CC2D2A: variants seen among roughly 807,000 people sequenced by gnomAD.
The protein encoded by CC2D2A is coiled-coil and C2 domain-containing protein 2A.
CC2D2A carries 155 observed loss-of-function variants against 212.9 expected under a neutral mutation model. That is an observed-to-expected ratio of 0.73 (90% CI 0.64 to 0.83). CC2D2A has a LOEUF of 0.83. Among genes scored for constraint, CC2D2A ranks in the 40% least tolerant of loss-of-function variants. The probability of loss-of-function intolerance (pLI) is 0.00; values close to 1 mark genes in which losing one functional copy is unlikely to be tolerated. For missense variants in CC2D2A, 1,856 were observed against 1,956.2 expected (o/e 0.95, Z 0.97); for synonymous variants, 667 against 686.5 (o/e 0.97, Z 0.44).
Position 15,586,253 on chromosome 4 carries a change from A to C in CC2D2A, c.4065+7A>C. 1 of 1,533,746 alleles carries C rather than the reference A, an allele frequency of 6.5e-7. No homozygotes were observed. Among genetic ancestry groups the C allele is most frequent in the Non-Finnish European group, 8.8e-7 (1 of 1,133,816 alleles). ...CCTCTGGAGCACATCTGATGTAAGTAGTTCTTCTTCACAGATTTAGAAACT... is the reference window on the plus strand; with the variant it reads ...CCTCTGGAGCACATCTGATGTAAGTCGTTCTTCTTCACAGATTTAGAAACT... On this transcript the variant is annotated splice_region_variant and intron_variant, in intron 31 of 36. Coordinates refer to ENST00000424120, the MANE Select transcript of CC2D2A (RefSeq NM_001378615.1).
chr4:15,511,066 C>T (rs1465107925), intron 7 of CC2D2A, among the ~76,000 whole-genome samples, 181 bp from the exon 8 acceptor site: 1 of 152,216 alleles, frequency 6.6e-6, no homozygotes, highest in African/African-American at 2.4e-5. Context: ...AGGCCTCCAA[C>T]TGCCTGTGGC....
chr4:15,546,387 TA>T (rs1239633836), intron 17 of CC2D2A, among the ~76,000 whole-genome samples: 3 of 152,236 alleles, frequency 2.0e-5, no homozygotes, highest in African/African-American at 7.2e-5. Context: ...GGGTGCCTTT[TA>T]AATTTTTTAA....
At position 15,591,313 on chromosome 4, in the gene CC2D2A, G is replaced by A. The variant is rs200660723; in HGVS notation, c.4314+1634G>A. Among the ~76,000 whole-genome samples the A allele has an allele frequency of 4.8e-4, 73 of 150,874 alleles. No individual in the cohort carries two copies. In the East Asian group the frequency reaches 8.4e-3, roughly 17 times the overall value. On this transcript the variant is annotated intron_variant, in intron 33 of 36. Transcript: ENST00000424120. ...CGGCTCAACGCAACCTCCGTCTCTC[G>A]GGTTCAAGCAATTCTCCTGCCTCAG...
At chr4:15,557,808 T>C (rs184606815) in intron 21 of CC2D2A, among the ~76,000 whole-genome samples, 1 of 152,230 alleles carries the variant, frequency 6.6e-6, no homozygotes, top group African/African-American at 2.4e-5. Context: ...TGGCTAATAA[T>C]ATGGCTAGTT....
chr4:15,577,431 A>T (rs1720462459), intron 29 of CC2D2A, among the ~76,000 whole-genome samples: 1 of 151,372 alleles, frequency 6.6e-6, no homozygotes, highest in African/African-American at 2.5e-5. Context: ...GCTCCACCTT[A>T]ATTTGTTTCA....
At chr4:15,563,854 T>A (rs1441938859) in intron 24 of CC2D2A, 2 of 237,692 alleles carry the variant, frequency 8.4e-6, no homozygotes, top group Non-Finnish European at 1.7e-5. Context: ...TTTCTCCATG[T>A]GATGGAAGTG....
intron 4 of CC2D2A, among the ~76,000 whole-genome samples, chr4:15,492,290 C>T (rs1020455721): frequency 6.6e-6 from 1 of 151,726 alleles, no homozygotes; most frequent in African/African-American, 2.4e-5. Context: ...CTCACTCTCT[C>T]TACTCTTACC....
chr4:15,596,370 A>G (rs1721323529), intron 34 of CC2D2A, among the ~76,000 whole-genome samples, 163 bp downstream of exon 34: 1 of 152,350 alleles, frequency 6.6e-6, no homozygotes, highest in South Asian at 2.1e-4. Flanking sequence ...ACGTTTACAT[A>G]TATGTGAAAG....
intron 1 of CC2D2A, among the ~76,000 whole-genome samples, chr4:15,472,814 C>A (rs796801301): frequency 2.6e-5 from 4 of 151,892 alleles, no homozygotes; most frequent in African/African-American, 9.7e-5. Context: ...TTTTTTGTAC[C>A]CTGTGATGAG....
At chr4:15,476,179 AGCTCT>A (rs1714200878) in intron 2 of CC2D2A, among the ~76,000 whole-genome samples, 2 of 152,256 alleles carry the variant, frequency 1.3e-5, no homozygotes, top group African/African-American at 4.8e-5. Flanking sequence ...AGATTCAGAG[AGCTCT>A]GCTCTGCTCT....
At chr4:15,542,654 T>C (rs1273103170) in intron 17 of CC2D2A, among the ~76,000 whole-genome samples, 3 of 152,270 alleles carry the variant, frequency 2.0e-5, no homozygotes, top group East Asian at 1.9e-4. Context: ...GACTGATAAA[T>C]AGCTGCTGCC....
chr4:15,473,869 C>T (rs1025024188), intron 1 of CC2D2A, among the ~76,000 whole-genome samples: 1 of 152,128 alleles, frequency 6.6e-6, no homozygotes, highest in Non-Finnish European at 1.5e-5. Context: ...CTGGCCTGAG[C>T]AAAATGGATT....
At position 15,587,835 on chromosome 4, in the gene CC2D2A, C is replaced by G. The variant is rs1354962877; in HGVS notation, c.4085C>G (p.Ala1362Gly). Reference sequence around the variant, plus strand: ...TGTCAGCAATTTCTTGATCTCCTGGCAGGGGATGAAGAAGAACATGCAGTA... The same window carrying G: ...TGTCAGCAATTTCTTGATCTCCTGGGAGGGGATGAAGAAGAACATGCAGTA... ...STSDQFLDLL[A>G]GDEEEHAVLL... The change falls in exon 32 of 37, where the codon GCA becomes GGA. Residue 1362 changes from alanine to glycine, a missense_variant. By Grantham distance (60) the Ala-to-Gly change is moderately conservative. Around this residue, in one of 5 missense-constraint regions of CC2D2A, gnomAD observed 36 missense variants for 35.5 expected, o/e 1.02. Transcript: ENST00000424120. The G allele has an allele frequency of 6.2e-7, 1 of 1,610,528 alleles. No individual in the cohort carries two copies. The highest frequency in any genetic ancestry group is 1.7e-5 in the Admixed American group (1 of 59,952).
intron 35 of CC2D2A, among the ~76,000 whole-genome samples, 186 bp from the exon 36 acceptor site, chr4:15,599,343 C>T (rs899783098): frequency 6.6e-6 from 1 of 152,094 alleles, no homozygotes; most frequent in Non-Finnish European, 1.5e-5. Context: ...AAGGACAGGA[C>T]TGCATGTTAA....
At chr4:15,545,555 T>C (rs1718667336) in intron 17 of CC2D2A, among the ~76,000 whole-genome samples, 1 of 152,006 alleles carries the variant, frequency 6.6e-6, no homozygotes, top group Non-Finnish European at 1.5e-5. Context: ...TAGACTGTGA[T>C]GTTTGATTTC....
chr4:15,506,569 T>G (rs1014020395), intron 6 of CC2D2A, among the ~76,000 whole-genome samples: 4 of 152,210 alleles, frequency 2.6e-5, no homozygotes, highest in African/African-American at 9.6e-5. Context: ...TTCTCTCTCA[T>G]GAGTTGACTT....
At chr4:15,586,968 T>C (rs1720880124) in intron 31 of CC2D2A, among the ~76,000 whole-genome samples, 1 of 152,232 alleles carries the variant, frequency 6.6e-6, no homozygotes, top group Admixed American at 6.5e-5. Flanking sequence ...AGAGATAAAA[T>C]TTCTACAACT....
chr4:15,521,588 A>G (rs1717207481), intron 11 of CC2D2A, among the ~76,000 whole-genome samples: 1 of 152,216 alleles, frequency 6.6e-6, no homozygotes, highest in Admixed American at 6.5e-5. Flanking sequence ...ATAGGTCGGC[A>G]GGCGAAGATT....
chr4:15,559,029 C>T (rs1004450698), intron 21 of CC2D2A, 136 bp from the exon 22 acceptor site: 2 of 663,954 alleles, frequency 3.0e-6, no homozygotes, highest in Non-Finnish European at 2.6e-6. Flanking sequence ...CAATTCTGAA[C>T]CAAAAGTTAG....
Sources: allele counts gnomAD v4.1 joint callset (sites outside exome capture counted in the v4.1 genomes callset), GRCh38; gene constraint gnomAD v4.1.1; regional missense constraint gnomAD v4.1.1; transcripts MANE v1.5; gene names NCBI Gene and HGNC (gene_info 2026-07-23, HGNC 2026-07-21).